SNX29: variants seen among roughly 807,000 people sequenced by gnomAD.
SNX29 encodes sorting nexin-29.
Under a neutral mutation model 102.1 loss-of-function variants are expected in SNX29, and 78 were observed. The ratio of observed to expected loss-of-function variants is 0.76; its 90% CI spans 0.64 to 0.92. The LOEUF (loss-of-function observed/expected upper bound fraction) is 0.92, where lower values mean the gene tolerates loss of function less well. Among genes scored for constraint, SNX29 ranks in the 40% least tolerant of loss-of-function variants. The pLI, the probability that SNX29 is intolerant of heterozygous loss-of-function variation, is 0.00. For synonymous variants in SNX29, 580 were observed against 414.5 expected (o/e 1.40, Z -4.85); for missense variants, 1,280 against 1,061.7 (o/e 1.21, Z -2.86).
rs371462310 is a variant in SNX29 at position 12,569,687 on chromosome 16, C to A, written c.*1058C>A. On this transcript the variant is annotated 3_prime_UTR_variant, in exon 21 of 21. Coordinates refer to ENST00000566228, the MANE Select transcript of SNX29 (RefSeq NM_032167.5). ...TCAGGTGGCTCTCAGAGTACAGGGA[C>A]CTTGGCAGGTGGAGAGGAGGATGGG... is the stretch of plus-strand genomic sequence containing the variant. 4 of 230,128 alleles carry A rather than the reference C, an allele frequency of 1.7e-5. No individual in the cohort carries two copies. The East Asian group carries it at 2.5e-4, about 14-fold the overall frequency. The allele number at this position is 230,128 out of a possible 1,614,324, so 14.3% of individuals were successfully genotyped here.
rs564358884 is a variant in SNX29, at chr16:12,249,388, C to T, written c.1679-28545C>T. ...GGGAACATCCTGAAAGACAAGCCCACGTGCAAGGCTCATCAAGCCTCTGCT... is the reference window on the plus strand; with the variant it reads ...GGGAACATCCTGAAAGACAAGCCCATGTGCAAGGCTCATCAAGCCTCTGCT... On this transcript the variant is annotated intron_variant, in intron 14 of 20. Coordinates refer to ENST00000566228, the MANE Select transcript of SNX29 (RefSeq NM_032167.5). 1.8e-4 allele frequency among the ~76,000 whole-genome samples: 27 copies of T among 152,328 alleles called. 1 individual carries two copies. The highest frequency in any genetic ancestry group is 3.4e-3 in the Middle Eastern group (1 of 294).
intron 13 of SNX29, 26 bp downstream of exon 13, chr16:12,129,784 G>T: frequency 6.3e-7 from 1 of 1,581,352 alleles, no homozygotes. Context: ...GGATGGAGAG[G>T]TAAGCACGTG....
intron 20 of SNX29, among the ~76,000 whole-genome samples, chr16:12,562,458 C>A (rs1398028186): frequency 6.6e-6 from 1 of 152,178 alleles, no homozygotes; most frequent in African/African-American, 2.4e-5. Context: ...CTTTGATCCC[C>A]CTTCATAGGC....
chr16:12,014,356 C>G (rs2151070150), intron 3 of SNX29, among the ~76,000 whole-genome samples: 1 of 152,208 alleles, frequency 6.6e-6, no homozygotes, highest in Non-Finnish European at 1.5e-5. Flanking sequence ...CCAAGAGTAT[C>G]CAGGCAGCAT....
intron 18 of SNX29, 142 bp from the exon 19 acceptor site, chr16:12,477,577 A>G (rs1031317776): frequency 8.5e-6 from 8 of 938,138 alleles, no homozygotes; most frequent in African/African-American, 3.4e-5. Context: ...TCCCTGCTCT[A>G]TGCCAGGAAC....
At chr16:11,985,436 A>G (rs890939440) in intron 1 of SNX29, among the ~76,000 whole-genome samples, 24 of 152,198 alleles carry the variant, frequency 1.6e-4, no homozygotes, top group African/African-American at 5.8e-4. Context: ...TTGTAATGGA[A>G]AAGTCTAGAC....
At chr16:12,279,238 G>C (rs2079353391) in intron 15 of SNX29, among the ~76,000 whole-genome samples, 1 of 152,190 alleles carries the variant, frequency 6.6e-6, no homozygotes, top group African/African-American at 2.4e-5. Flanking sequence ...ACATACCTGA[G>C]CTTGGGTGGG....
intron 14 of SNX29, among the ~76,000 whole-genome samples, chr16:12,204,927 C>T (rs2077007580): frequency 6.6e-6 from 1 of 152,028 alleles, no homozygotes; most frequent in African/African-American, 2.4e-5. Flanking sequence ...CCAGTGATTC[C>T]CAGCTCCACA....
intron 16 of SNX29, among the ~76,000 whole-genome samples, chr16:12,368,833 G>C (rs768140599): frequency 1.3e-5 from 2 of 152,244 alleles, no homozygotes; most frequent in Admixed American, 1.3e-4. Context: ...TTCTCCTGGG[G>C]CTCACGTGCC....
At chr16:12,556,090 G>A (rs774005998) in intron 20 of SNX29, among the ~76,000 whole-genome samples, 3 of 152,110 alleles carry the variant, frequency 2.0e-5, no homozygotes, top group East Asian at 1.9e-4. Context: ...ATTAATTTCT[G>A]CTTTCATTGA....
At chr16:12,329,276 C>CAAAAAAGAAAA (rs2081222392) in intron 15 of SNX29, among the ~76,000 whole-genome samples, 1 of 88,846 alleles carries the variant, frequency 1.1e-5, no homozygotes, top group Non-Finnish European at 2.1e-5. Context: ...GACCTTGTCT[C>CAAAAAAGAAAA]AAAAAAAAAA....
chr16:12,185,931 T>A (rs1329166348), intron 13 of SNX29, among the ~76,000 whole-genome samples: 1 of 152,176 alleles, frequency 6.6e-6, no homozygotes, highest in East Asian at 1.9e-4. Flanking sequence ...CTCAAAGTGT[T>A]TCCTAGGTTC....
At position 12,572,625 on chromosome 16, in the gene SNX29, T is replaced by C; in HGVS notation, c.*3996T>C. On this transcript the variant is annotated 3_prime_UTR_variant, in exon 21 of 21. Coordinates refer to ENST00000566228, the MANE Select transcript of SNX29 (RefSeq NM_032167.5). Reference sequence around the variant, plus strand: ...CCCTCCCCTCCGGCTACCCCCAGAATCCATCCTTCATTCCTCCACCAAGCT... The same window carrying C: ...CCCTCCCCTCCGGCTACCCCCAGAACCCATCCTTCATTCCTCCACCAAGCT... 5 of 1,063,700 alleles carry C rather than the reference T, an allele frequency of 4.7e-6. No individual in the cohort carries two copies. Among genetic ancestry groups the C allele is most frequent in the Non-Finnish European group, 4.6e-6 (4 of 878,242 alleles). The allele number at this position is 1,063,700 out of a possible 1,614,324, so 65.9% of individuals were successfully genotyped here.
At chr16:12,511,807 C>T (rs1358033846) in intron 19 of SNX29, among the ~76,000 whole-genome samples, 1 of 151,994 alleles carries the variant, frequency 6.6e-6, no homozygotes, top group Non-Finnish European at 1.5e-5. Context: ...ATCTCGAAAG[C>T]AATGGGGCTG....
intron 15 of SNX29, among the ~76,000 whole-genome samples, chr16:12,339,219 C>T (rs1012622683): frequency 5.9e-5 from 9 of 151,666 alleles, no homozygotes; most frequent in African/African-American, 2.2e-4. Context: ...AATATAAAAA[C>T]AATTAGCCAG....
At chr16:12,541,287 A>C (rs1378713262) in intron 20 of SNX29, among the ~76,000 whole-genome samples, 1 of 152,178 alleles carries the variant, frequency 6.6e-6, no homozygotes, top group East Asian at 1.9e-4. Flanking sequence ...GGGGAATACC[A>C]CTAACAGTGG....
At chr16:12,331,758 G>A (rs2081298008) in intron 15 of SNX29, among the ~76,000 whole-genome samples, 1 of 152,146 alleles carries the variant, frequency 6.6e-6, no homozygotes, top group Admixed American at 6.5e-5. Flanking sequence ...CACCATGTTG[G>A]CCAGGCTGGT....
intron 13 of SNX29, among the ~76,000 whole-genome samples, chr16:12,185,587 C>A (rs1231048650): frequency 6.6e-6 from 1 of 152,192 alleles, no homozygotes; most frequent in Non-Finnish European, 1.5e-5. Context: ...CTCCCTCTGT[C>A]TCTGCTGCAT....
rs1381528451 is a variant in SNX29, at chr16:12,573,057, CTG to C, written c.*4430_*4431del. On this transcript the variant is annotated 3_prime_UTR_variant, in exon 21 of 21. Coordinates refer to ENST00000566228, the MANE Select transcript of SNX29 (RefSeq NM_032167.5). ...CCGTGCTAATTCTGCAGTTGTAGCACTGTATATTTTATCTCATTTCTGTGCCA... is the reference window on the plus strand; with the variant it reads ...CCGTGCTAATTCTGCAGTTGTAGCACTATATTTTATCTCATTTCTGTGCCA... 4.3e-6 allele frequency: 1 copy of C among 233,982 alleles called. No homozygotes were observed. Among genetic ancestry groups the C allele is most frequent in the Non-Finnish European group, 8.3e-6 (1 of 119,964 alleles). 14.5% of individuals were successfully genotyped at this position (233,982 alleles called of 1,614,324 possible). A position where few individuals can be genotyped will look rare whatever the true frequency, so the allele number is the denominator to read the frequency against.
Sources: allele counts gnomAD v4.1 joint callset (sites outside exome capture counted in the v4.1 genomes callset), GRCh38; gene constraint gnomAD v4.1.1; transcripts MANE v1.5; gene names NCBI Gene and HGNC (gene_info 2026-07-23, HGNC 2026-07-21).